The following ATF7 variants were observed in gnomAD, a reference collection of about 807,000 sequenced individuals.
The protein encoded by ATF7 is activating transcription factor 7.
Under a neutral mutation model 50.4 loss-of-function variants are expected in ATF7, and 10 were observed. The ratio of observed to expected loss-of-function variants is 0.20; its 90% CI spans 0.12 to 0.34. ATF7 has a LOEUF of 0.34. Ranked by LOEUF, ATF7 falls within the 10% of genes least tolerant of loss-of-function variation. The probability of loss-of-function intolerance (pLI) is 1.00; values close to 1 mark genes in which losing one functional copy is unlikely to be tolerated. For synonymous variants in ATF7, 201 were observed against 226.4 expected, an observed-to-expected ratio of 0.89 and a Z score of 1.01; for missense variants, 465 against 613.9, an observed-to-expected ratio of 0.76 and a Z score of 2.56.
intron 2 of ATF7, among the ~76,000 whole-genome samples, chr12:53,556,639 T>C (rs1422650607): frequency 6.6e-6 from 1 of 152,228 alleles, no homozygotes; most frequent in East Asian, 1.9e-4. Flanking sequence ...CTAATCTGGC[T>C]ATGTTTTACA....
intron 2 of ATF7, among the ~76,000 whole-genome samples, chr12:53,560,211 C>A (rs1455064364): frequency 2.0e-5 from 3 of 151,926 alleles, no homozygotes; most frequent in Non-Finnish European, 4.4e-5. Flanking sequence ...CATGAGCCAC[C>A]GCACCCGGCC....
chr12:53,601,526 C>T (rs566022397), intron 1 of ATF7, among the ~76,000 whole-genome samples: 14 of 152,060 alleles, frequency 9.2e-5, no homozygotes, highest in African/African-American at 3.4e-4. Flanking sequence ...CATATTATTG[C>T]CAAAGAAAAC....
rs1592779989 is a variant in ATF7, at chr12:53,524,171, A to T, written c.1125+393T>A. Among the ~76,000 whole-genome samples, 1 of 152,336 alleles carries T rather than the reference A, an allele frequency of 6.6e-6. No homozygotes were observed. The highest frequency in any genetic ancestry group is 1.9e-4 in the East Asian group (1 of 5,190). On this transcript the variant is annotated intron_variant, in intron 10 of 11. Coordinates refer to ENST00000420353, the MANE Select transcript of ATF7 (RefSeq NM_006856.3). The surrounding 1 kb of genome is among the most constrained non-coding windows in gnomAD (Gnocchi z 4.6). ...AGAGAAGGTATGGATTATAGATTAT[A>T]ATTATTCTATTTGTGCTTGTAGCAC...
chr12:53,569,730 A>G (rs1941643798), intron 2 of ATF7, among the ~76,000 whole-genome samples: 1 of 151,372 alleles, frequency 6.6e-6, no homozygotes, highest in African/African-American at 2.4e-5. Flanking sequence ...GCTGGAGTGC[A>G]GTGGTGCAAT....
chr12:53,564,462 C>A (rs1941326610), intron 2 of ATF7, among the ~76,000 whole-genome samples: 1 of 152,122 alleles, frequency 6.6e-6, no homozygotes, highest in Admixed American at 6.6e-5. Flanking sequence ...TTCTTCAATC[C>A]CCAAACCACT....
At chr12:53,549,273 C>T (rs4450209) in intron 3 of ATF7, among the ~76,000 whole-genome samples, 55,890 of 134,268 alleles carry the variant, frequency 0.42, 13,262 homozygotes, top group Middle Eastern at 0.6. Flanking sequence ...GGCGACAGAA[C>T]GAGACTCCGT....
intron 2 of ATF7, among the ~76,000 whole-genome samples, chr12:53,554,292 G>A (rs994804723): frequency 3.3e-5 from 5 of 151,708 alleles, no homozygotes; most frequent in African/African-American, 4.8e-5. Flanking sequence ...CACCATGCCC[G>A]GCTAATTTTT....
chr12:53,524,786 T>A lies in ATF7; in HGVS notation c.928-25A>T. On this transcript the variant is annotated intron_variant, in intron 9 of 11. Transcript: ENST00000420353. The surrounding 1 kb of genome is among the most constrained non-coding windows in gnomAD (Gnocchi z 4.6). ...CCTGGTGCCCAGGAAGGAAGAGAGGTTACTTGATGGGAACATTAATCCTTT... is the reference window on the plus strand; with the variant it reads ...CCTGGTGCCCAGGAAGGAAGAGAGGATACTTGATGGGAACATTAATCCTTT... 2 of 1,550,226 alleles carry A rather than the reference T, an allele frequency of 1.3e-6. No individual in the cohort carries two copies. The highest frequency in any genetic ancestry group is 1.7e-6 in the Non-Finnish European group (2 of 1,146,426).
chr12:53,620,351 C>T (rs1264320500), intron 1 of ATF7, among the ~76,000 whole-genome samples: 1 of 151,048 alleles, frequency 6.6e-6, no homozygotes, highest in Admixed American at 6.6e-5. Context: ...CCGAGGCGGG[C>T]GGATCACGAG....
At chr12:53,609,518 G>A (rs888676899) in intron 1 of ATF7, among the ~76,000 whole-genome samples, 7 of 150,600 alleles carry the variant, frequency 4.6e-5, no homozygotes, top group African/African-American at 1.5e-4. Context: ...TGTGCCTGTA[G>A]TTCCAGCTAC....
chr12:53,579,584 T>A (rs11170605), intron 2 of ATF7, among the ~76,000 whole-genome samples: 1 of 148,420 alleles, frequency 6.7e-6, no homozygotes, highest in African/African-American at 2.5e-5. Context: ...GGAGTGTGCG[T>A]AATTGTGTTT....
intron 2 of ATF7, among the ~76,000 whole-genome samples, chr12:53,573,202 AATCTCTTACTGTGCTGAATTT>A (rs1430751697): frequency 6.6e-6 from 1 of 152,048 alleles, no homozygotes; most frequent in Admixed American, 6.6e-5. Context: ...ATTAGTTGTT[AATCTCTTACTGTGCTGAATTT>A]ATAAATTAAA....
intron 4 of ATF7, among the ~76,000 whole-genome samples, chr12:53,540,057 C>CA (rs966264907): frequency 6.7e-6 from 1 of 149,038 alleles, no homozygotes; most frequent in Admixed American, 6.7e-5. Flanking sequence ...GGCTCTGTCT[C>CA]AAAAAAAATA....
At chr12:53,606,059 G>A (rs933348014) in intron 1 of ATF7, among the ~76,000 whole-genome samples, 1 of 152,078 alleles carries the variant, frequency 6.6e-6, no homozygotes, top group Non-Finnish European at 1.5e-5. Flanking sequence ...CCAAGTCTAT[G>A]CTTTTGTCAC....
rs933698787 is a variant in ATF7 at position 53,543,180 on chromosome 12, G to T, written c.264+150C>A. The T allele has an allele frequency of 8.5e-6, 13 of 1,534,594 alleles. No individual in the cohort carries two copies. In the Middle Eastern group the frequency reaches 7.0e-4, roughly 83 times the overall value. On this transcript the variant is annotated intron_variant, in intron 4 of 11. Transcript: ENST00000420353. ...CCTAAAGACCTGAATGGCTGACTGG[G>T]ATTAGTGACTACTATCTGGTTTTAC...
downstream of ATF7, among the ~76,000 whole-genome samples, chr12:53,509,598 C>T (rs1393616144): frequency 5.9e-5 from 9 of 151,618 alleles, no homozygotes; most frequent in South Asian, 2.1e-4. Context: ...CTCTGCCTCC[C>T]GGGTTCAGGC....
intron 2 of ATF7, among the ~76,000 whole-genome samples, chr12:53,587,202 A>G (rs1218426590): frequency 6.6e-6 from 1 of 151,452 alleles, no homozygotes; most frequent in Non-Finnish European, 1.5e-5. Flanking sequence ...ACCCATCTCT[A>G]CTGAAAATAC....
chr12:53,580,621 G>T (rs560088617), intron 2 of ATF7, among the ~76,000 whole-genome samples: 208 of 134,058 alleles, frequency 1.6e-3, no homozygotes, highest in Admixed American at 3.5e-3. Flanking sequence ...CGGAGATCAC[G>T]CCACTGAACT....
downstream of ATF7, among the ~76,000 whole-genome samples, chr12:53,508,676 C>T (rs992919810): frequency 2.6e-5 from 4 of 152,154 alleles, no homozygotes; most frequent in Non-Finnish European, 5.9e-5. Flanking sequence ...GCACTGCTTC[C>T]GACCTGCCTC....
Sources: allele counts gnomAD v4.1 joint callset (sites outside exome capture counted in the v4.1 genomes callset), GRCh38; gene constraint gnomAD v4.1.1; non-coding constraint Gnocchi (gnomAD v3.1); transcripts MANE v1.5; gene names NCBI Gene and HGNC (gene_info 2026-07-23, HGNC 2026-07-21).